HDAC9: variants seen among roughly 807,000 people sequenced by gnomAD.
The protein encoded by HDAC9 is histone deacetylase 9.
Under a neutral mutation model 139.4 loss-of-function variants are expected in HDAC9, and 41 were observed. The ratio of observed to expected loss-of-function variants is 0.29; its 90% CI spans 0.23 to 0.38. The LOEUF is 0.38. Among genes scored for constraint, HDAC9 ranks in the 10% least tolerant of loss-of-function variants. The pLI is 1.00. For missense variants in HDAC9, 1,147 were observed against 1,297.0 expected (o/e 0.88, Z 1.78); for synonymous variants, 517 against 476.2 (o/e 1.09, Z -1.12).
intron 2 of HDAC9, among the ~76,000 whole-genome samples, chr7:18,177,919 T>C (rs1584481519): frequency 6.6e-6 from 1 of 152,130 alleles, no homozygotes; most frequent in Admixed American, 6.6e-5. Context: ...CAGTTGAATA[T>C]ACCTGAGCAA....
chr7:18,375,428 C>T (rs990180831), intron 1 of HDAC9, among the ~76,000 whole-genome samples: 2 of 152,056 alleles, frequency 1.3e-5, no homozygotes, highest in African/African-American at 4.8e-5. Flanking sequence ...GAGATCACGC[C>T]ACTGCGCTCC....
chr7:18,718,048 TGGTGC>T (rs1362969537), intron 12 of HDAC9, among the ~76,000 whole-genome samples: 2 of 152,148 alleles, frequency 1.3e-5, no homozygotes, highest in African/African-American at 4.8e-5. Flanking sequence ...CTGAATTGAC[TGGTGC>T]AACCATCACC....
At chr7:18,312,915 A>T (rs1212916787) in intron 1 of HDAC9, among the ~76,000 whole-genome samples, 2 of 152,122 alleles carry the variant, frequency 1.3e-5, no homozygotes, top group Non-Finnish European at 2.9e-5. Context: ...TATTTCTAGA[A>T]GGAGAAATAT....
intron 1 of HDAC9, among the ~76,000 whole-genome samples, chr7:18,391,423 C>T (rs1428785263): frequency 2.0e-5 from 3 of 151,754 alleles, no homozygotes; most frequent in African/African-American, 7.3e-5. Flanking sequence ...GAAGAGAGAA[C>T]ATTGTGTCCT....
chr7:18,361,362 T>C (rs1386388831), intron 1 of HDAC9, among the ~76,000 whole-genome samples: 1 of 152,176 alleles, frequency 6.6e-6, no homozygotes, highest in Non-Finnish European at 1.5e-5. Context: ...ACCTCTCTCC[T>C]GAAGTTACCT....
intron 2 of HDAC9, among the ~76,000 whole-genome samples, chr7:18,180,976 T>C (rs537912248): frequency 6.6e-6 from 1 of 152,298 alleles, no homozygotes; most frequent in East Asian, 1.9e-4. Context: ...CACATTGCCT[T>C]CTTTTGCGTG....
chr7:18,236,143 A>G (rs1044112590), intron 2 of HDAC9, among the ~76,000 whole-genome samples: 2 of 152,176 alleles, frequency 1.3e-5, no homozygotes, highest in African/African-American at 4.8e-5. Context: ...GTCACCTGGA[A>G]GAGTCTTATC....
At chr7:18,936,896 A>G (rs1444748286) in intron 23 of HDAC9, among the ~76,000 whole-genome samples, 1 of 152,116 alleles carries the variant, frequency 6.6e-6, no homozygotes, top group Non-Finnish European at 1.5e-5. Flanking sequence ...TATTGTCATC[A>G]TTATTTTACA....
chr7:18,310,135 C>T (rs1040064782), intron 1 of HDAC9, among the ~76,000 whole-genome samples: 1 of 147,668 alleles, frequency 6.8e-6, no homozygotes, highest in African/African-American at 2.5e-5. Context: ...CCAAGGCCTG[C>T]CAGATTGGAA....
chr7:18,330,179 G>C (rs1433284276), intron 1 of HDAC9, among the ~76,000 whole-genome samples: 2 of 151,550 alleles, frequency 1.3e-5, no homozygotes, highest in Non-Finnish European at 3.0e-5. Flanking sequence ...CAGAGACATA[G>C]GTTCAAAACT....
chr7:18,533,663 G>GTTAT (rs746722791), intron 2 of HDAC9, among the ~76,000 whole-genome samples: 50 of 151,776 alleles, frequency 3.3e-4, no homozygotes, highest in Non-Finnish European at 5.7e-4. Flanking sequence ...CATTTTCTCG[G>GTTAT]TTATTCTATG....
chr7:18,411,380 C>A (rs1426877947), intron 1 of HDAC9, among the ~76,000 whole-genome samples: 2 of 151,964 alleles, frequency 1.3e-5, no homozygotes, highest in Non-Finnish European at 2.9e-5. Flanking sequence ...TATTAGACTT[C>A]TTTTCTTTTT....
chr7:18,648,701 G>T lies in HDAC9; in HGVS notation c.1467+18G>T. ...TGAACAAAGTAAGCCTCCAAGCCAA[G>T]TCAAAATGTTCTAACCGCCAGTTTG... is the stretch of plus-strand genomic sequence containing the variant. On this transcript the variant is annotated intron_variant, in intron 11 of 25. Coordinates refer to ENST00000686413, the MANE Select transcript of HDAC9 (RefSeq NM_178425.4). 2 of 1,597,726 alleles carry T rather than the reference G, an allele frequency of 1.3e-6. No individual in the cohort carries two copies. The highest frequency in any genetic ancestry group is 1.7e-6 in the Non-Finnish European group (2 of 1,170,516).
intron 1 of HDAC9, among the ~76,000 whole-genome samples, chr7:18,377,938 A>G (rs1481242615): frequency 1.3e-5 from 2 of 152,228 alleles, no homozygotes; most frequent in Non-Finnish European, 2.9e-5. Context: ...TTAATTTTAC[A>G]TCTTAAGAAA....
intron 1 of HDAC9, among the ~76,000 whole-genome samples, chr7:18,331,612 A>G (rs769428848): frequency 4.2e-5 from 6 of 143,708 alleles, no homozygotes; most frequent in Non-Finnish European, 9.4e-5. Flanking sequence ...GTATCCCAGA[A>G]CTTAAAGTAT....
Position 18,427,758 on chromosome 7 carries a change from C to A in HDAC9, c.-41-68504C>A, listed in dbSNP as rs796154511. Among the ~76,000 whole-genome samples the A allele has an allele frequency of 1.6e-4, 24 of 151,258 alleles. 1 individual carries two copies. The highest frequency in any genetic ancestry group is 5.8e-4 in the African/African-American group (24 of 41,204). On this transcript the variant is annotated intron_variant, in intron 1 of 3. Transcript: ENST00000413509. ...GGCAAGAACACTTAAGAGGGTGAGA[C>A]CCACCCTCTTAACAGATTTTTAAAT...
At chr7:18,177,533 C>T (rs536785492) in intron 2 of HDAC9, among the ~76,000 whole-genome samples, 2 of 152,270 alleles carry the variant, frequency 1.3e-5, no homozygotes, top group South Asian at 2.1e-4. Context: ...TGCTTGGAGG[C>T]CTTTGAATGA....
At chr7:18,710,465 C>T (rs1271008130) in intron 12 of HDAC9, among the ~76,000 whole-genome samples, 2 of 152,162 alleles carry the variant, frequency 1.3e-5, no homozygotes, top group African/African-American at 4.8e-5. Context: ...CACATGCACA[C>T]ATATACAGAT....
chr7:18,583,259 G>A (rs1828378597), intron 2 of HDAC9, among the ~76,000 whole-genome samples: 2 of 152,254 alleles, frequency 1.3e-5, no homozygotes, highest in South Asian at 4.1e-4. Flanking sequence ...AGTACTTACT[G>A]TTACTATCTC....
Sources: gnomAD v4.1 joint callset for allele counts (sites outside exome capture counted in the v4.1 genomes callset) on GRCh38, gnomAD v4.1.1 for gene constraint, MANE v1.5 for transcripts, NCBI Gene and HGNC (gene_info 2026-07-23, HGNC 2026-07-21) for gene names.